The following TMC7 variants were observed in gnomAD, a reference collection of about 807,000 sequenced individuals.
The protein encoded by TMC7 is transmembrane channel-like protein 7.
In TMC7, 54 loss-of-function variants were observed where a neutral mutation model predicts 82.9. That is an observed-to-expected ratio of 0.65 (90% confidence interval 0.52 to 0.82). The LOEUF (loss-of-function observed/expected upper bound fraction) is 0.82. TMC7 is among the 40% of genes least tolerant of loss of function. The pLI is 0.00. For synonymous variants in TMC7, 350 were observed against 337.9 expected, an observed-to-expected ratio of 1.04 and a Z score of -0.39; for missense variants, 820 against 901.2, an observed-to-expected ratio of 0.91 and a Z score of 1.15.
intron 1 of TMC7, among the ~76,000 whole-genome samples, chr16:19,007,781 C>CTT (rs796593328): frequency 7.0e-6 from 1 of 143,618 alleles, no homozygotes; most frequent in African/African-American, 2.5e-5. Flanking sequence ...CCACTCTGTT[C>CTT]TTTTTTTTTT....
intron 5 of TMC7, among the ~76,000 whole-genome samples, chr16:19,028,872 T>C (rs182928753): frequency 7.4e-4 from 112 of 151,888 alleles, no homozygotes; most frequent in African/African-American, 2.6e-3. Flanking sequence ...GCCAGGCTGA[T>C]CTTGAGCTCC....
intron 3 of TMC7, among the ~76,000 whole-genome samples, chr16:19,017,248 A>T (rs4578630): frequency 0.91 from 137,608 of 151,782 alleles, 62,938 homozygotes; most frequent in Non-Finnish European, 0.96. Flanking sequence ...ACATATTTTT[A>T]AAATAATATG....
intron 1 of TMC7, among the ~76,000 whole-genome samples, chr16:18,995,335 C>T (rs1246774327): frequency 6.6e-6 from 1 of 152,096 alleles, no homozygotes; most frequent in Non-Finnish European, 1.5e-5. Flanking sequence ...GTAAGAGTTA[C>T]CCAAAGCGTC....
At chr16:19,006,707 G>A (rs2039246276) in intron 1 of TMC7, among the ~76,000 whole-genome samples, 1 of 152,208 alleles carries the variant, frequency 6.6e-6, no homozygotes, top group Non-Finnish European at 1.5e-5. Flanking sequence ...GCAGGGCACG[G>A]GGGAGCCCGC....
chr16:19,045,437 A>G lies in TMC7; in HGVS notation c.1552A>G (p.Lys518Glu). ...AVTLFVDFPR[K>E]LLVTYCSSCK... is the part of the protein sequence containing the mutation. Reference sequence around the variant, plus strand: ...GACACTCTTCGTGGATTTTCCTAGAAAGTAAGTGCGAGGGGTGCCCATATT... The same window carrying G: ...GACACTCTTCGTGGATTTTCCTAGAGAGTAAGTGCGAGGGGTGCCCATATT... The change falls in exon 11 of 16, where the codon AAG becomes GAG. Residue 518 changes from lysine (K) to glutamate (E), a missense_variant and splice_region_variant. Physicochemically the swap from Lys to Glu is moderately conservative, Grantham distance 56. Coordinates refer to ENST00000304381, the MANE Select transcript of TMC7 (RefSeq NM_024847.4). 2 of 1,609,584 alleles carry G rather than the reference A, an allele frequency of 1.2e-6. No individual in the cohort carries two copies. Among genetic ancestry groups the G allele is most frequent in the Non-Finnish European group, 1.7e-6 (2 of 1,176,128 alleles).
chr16:19,004,144 T>C (rs1259155503), intron 1 of TMC7, among the ~76,000 whole-genome samples: 1 of 152,092 alleles, frequency 6.6e-6, no homozygotes, highest in African/African-American at 2.4e-5. Context: ...AAAGTGTGTG[T>C]TATATGCAAA....
In TMC7 at chr16:19,044,988, A is replaced by G. The variant is rs771034960; in HGVS notation, c.1442A>G (p.Gln481Arg). Residue 481 changes from glutamine to arginine, a missense_variant, in exon 10 of 16, where the codon CAG becomes CGG. Physicochemically the swap from Gln to Arg is conservative, Grantham distance 43. This residue lies in a region of TMC7 where 650 missense variants were observed against 669.9 expected (regional missense o/e 0.97). Coordinates refer to ENST00000304381, the MANE Select transcript of TMC7 (RefSeq NM_024847.4). ...DDTCDLCGYN[Q>R]KLYPCWETQV... is the part of the protein sequence containing the mutation. ...ACATGTGACCTTTGCGGCTACAACCAGAAACTCTACCCGGTGAGTTGCGGG... is the reference window on the plus strand; with the variant it reads ...ACATGTGACCTTTGCGGCTACAACCGGAAACTCTACCCGGTGAGTTGCGGG... The G allele has an allele frequency of 6.2e-7, 1 of 1,613,718 alleles. No homozygotes were observed. The highest frequency in any genetic ancestry group is 8.5e-7 in the Non-Finnish European group (1 of 1,179,924).
At chr16:19,032,998 C>A (rs569930038) in intron 6 of TMC7, among the ~76,000 whole-genome samples, 2 of 152,240 alleles carry the variant, frequency 1.3e-5, no homozygotes, top group South Asian at 4.1e-4. Context: ...GGCTTGATTG[C>A]TTTCTGGGGA....
At chr16:19,045,253 G>T in intron 10 of TMC7, 88 bp from the exon 11 acceptor site, 1 of 1,091,022 alleles carries the variant, frequency 9.2e-7, no homozygotes, top group Non-Finnish European at 1.4e-6. Context: ...ATCTGGAGTT[G>T]GAAAGGGAAT....
At chr16:19,059,023 G>A (rs558614108) in intron 14 of TMC7, among the ~76,000 whole-genome samples, 132 of 152,212 alleles carry the variant, frequency 8.7e-4, no homozygotes, top group Non-Finnish European at 1.5e-3. Flanking sequence ...GATTATAGGC[G>A]TCCACCACCA....
At chr16:18,993,237 C>G (rs1224191807) in intron 1 of TMC7, among the ~76,000 whole-genome samples, 1 of 152,006 alleles carries the variant, frequency 6.6e-6, no homozygotes, top group East Asian at 1.9e-4. Flanking sequence ...TGGAGTGTGT[C>G]CTGTCAGCAA....
intron 1 of TMC7, among the ~76,000 whole-genome samples, chr16:18,993,424 C>T (rs1350420776): frequency 6.6e-6 from 1 of 152,106 alleles, no homozygotes; most frequent in Admixed American, 6.6e-5. Flanking sequence ...GAGATATTTT[C>T]CTTGATCCAA....
At chr16:19,023,467 G>T (rs1328647877) in intron 5 of TMC7, among the ~76,000 whole-genome samples, 3 of 152,022 alleles carry the variant, frequency 2.0e-5, no homozygotes, top group African/African-American at 7.3e-5. Context: ...ATTTTTTTGA[G>T]ATGGAGTCTC....
Position 19,051,786 on chromosome 16 carries a change from C to A in TMC7, c.1841C>A (p.Ala614Glu), listed in dbSNP as rs1427935476. 6.2e-7 allele frequency: 1 copy of A among 1,613,922 alleles called. No individual in the cohort carries two copies. The highest frequency in any genetic ancestry group is 1.3e-5 in the African/African-American group (1 of 74,876). ...GTGTTGTTGATCGGGCTGTGTTTGG[C>A]AATAATACCTCTGACAATCAGCATA... ...LLVLLIGLCL[A>E]IIPLTISISR... Residue 614 changes from alanine (A) to glutamate (E), a missense_variant, in exon 13 of 16, where the codon GCA becomes GAA. By Grantham distance (107) the Ala-to-Glu change is moderately radical (BLOSUM62 -1). Around this residue, in one of 2 missense-constraint regions of TMC7, gnomAD observed 170 missense variants for 231.3 expected, o/e 0.74. Transcript: ENST00000304381.
intron 8 of TMC7, 60 bp downstream of exon 8, chr16:19,038,107 A>G: frequency 6.7e-7 from 1 of 1,502,128 alleles, no homozygotes; most frequent in Non-Finnish European, 9.1e-7. Flanking sequence ...TCTGTGAGGT[A>G]GATACCATCG....
chr16:19,057,703 G>A (rs544219535), intron 14 of TMC7, among the ~76,000 whole-genome samples: 1 of 152,322 alleles, frequency 6.6e-6, no homozygotes, highest in Admixed American at 6.5e-5. Context: ...AGTATCTCAG[G>A]GACTTCCAGG....
At chr16:19,044,249 A>C (rs111532128) in intron 9 of TMC7, among the ~76,000 whole-genome samples, 8,378 of 152,164 alleles carry the variant, frequency 0.055, 292 homozygotes, top group South Asian at 0.13. Flanking sequence ...CGCTCACTGC[A>C]GCCTTGATCT....
chr16:19,021,097 C>T (rs56309623), intron 3 of TMC7, among the ~76,000 whole-genome samples: 2,686 of 152,048 alleles, frequency 0.018, 82 homozygotes, highest in African/African-American at 0.061. Flanking sequence ...GCAGATTGCA[C>T]GTGAAAATTA....
chr16:18,989,660 A>G (rs1278704574), intron 1 of TMC7, among the ~76,000 whole-genome samples: 1 of 149,568 alleles, frequency 6.7e-6, no homozygotes, highest in Admixed American at 6.8e-5. Flanking sequence ...CTCTGCTTTC[A>G]TGGAGCTTCT....
Sources: allele counts gnomAD v4.1 joint callset (sites outside exome capture counted in the v4.1 genomes callset), GRCh38; gene constraint gnomAD v4.1.1; regional missense constraint gnomAD v4.1.1; transcripts MANE v1.5; gene names NCBI Gene and HGNC (gene_info 2026-07-23, HGNC 2026-07-21).